Variants in TBC1D30 observed in about 807,000 individuals in gnomAD.
TBC1D30 encodes TBC1 domain family member 30.
In TBC1D30, 31 loss-of-function variants were observed where a neutral mutation model predicts 63.2. The observed-to-expected ratio is 0.49, with a 90% CI of 0.37 to 0.66. The LOEUF is 0.66. Among genes scored for constraint, TBC1D30 ranks in the 30% least tolerant of loss-of-function variants. The pLI, the probability that TBC1D30 is intolerant of heterozygous loss-of-function variation, is 0.00. For synonymous variants in TBC1D30, 307 were observed against 361.5 expected (o/e 0.85, Z 1.71); for missense variants, 810 against 953.6 (o/e 0.85, Z 1.98).
In TBC1D30 at chr12:64,793,491, A is replaced by ATT. The variant is rs1461365286; in HGVS notation, c.643+7446_643+7447insTT. On this transcript the variant is annotated intron_variant, in intron 2 of 12. Coordinates refer to the TBC1D30 transcript ENST00000542120. ...AAACCCCGTCTCTACCAAAAATACA[A>ATT]AAAAAAAAAAAAAAAAGAATTAGCT... 1.1e-4 allele frequency among the ~76,000 whole-genome samples: 4 copies of ATT among 36,672 alleles called. No homozygotes were observed. In the East Asian group the frequency reaches 0.037, roughly 340 times the overall value. The allele number at this position is 36,672 out of a possible 152,430, so 24.1% of individuals were successfully genotyped here. A position where few individuals can be genotyped will look rare whatever the true frequency, so the allele number is the denominator to read the frequency against.
chr12:64,845,452 C>T (rs926617730), intron 8 of TBC1D30, among the ~76,000 whole-genome samples: 25 of 152,152 alleles, frequency 1.6e-4, no homozygotes, highest in African/African-American at 4.8e-4. Context: ...GGGGGCTGAG[C>T]GCGGTGGCTC....
intron 2 of TBC1D30, chr12:64,787,218 T>C (rs563364704): frequency 1.9e-4 from 39 of 206,882 alleles, no homozygotes; most frequent in Non-Finnish European, 2.8e-4. Context: ...CAATTAAAAA[T>C]AAATTGTTAA....
At position 64,875,346 on chromosome 12, in the gene TBC1D30, C is replaced by G. The variant is rs753808299; in HGVS notation, c.1844C>G (p.Thr615Arg). ...GCAGAGGCATTCCCCTCTGGTTGTA[C>G]AGCGACAGCTGGGAGAGAAGGCAGC... The part of the protein sequence containing the change: ...GAAEAFPSGC[T>R]ATAGREGSSP... Residue 615 changes from threonine to arginine, a missense_variant, in exon 12 of 12, where the codon ACA becomes AGA. Physicochemically the swap from Thr to Arg is moderately conservative, Grantham distance 71. Around this residue, in one of 4 missense-constraint regions of TBC1D30, gnomAD observed 450 missense variants for 473.0 expected, o/e 0.95. Coordinates refer to ENST00000539867, the MANE Select transcript of TBC1D30 (RefSeq NM_015279.2). 5.9e-6 allele frequency: 9 copies of G among 1,536,246 alleles called. No individual in the cohort carries two copies. The highest frequency in any genetic ancestry group is 2.4e-5 in the East Asian group (1 of 40,908).
At chr12:64,825,278 C>T in intron 1 of TBC1D30, 1 of 456,088 alleles carries the variant, frequency 2.2e-6, no homozygotes, top group Non-Finnish European at 3.8e-6. Context: ...ACCCTCTCCC[C>T]GCGGACCCCC....
At position 64,875,657 on chromosome 12, in the gene TBC1D30, C is replaced by T. The variant is rs777613012; in HGVS notation, c.2155C>T (p.Arg719Trp). Residue 719 changes from arginine to tryptophan, a missense_variant, in exon 12 of 12, where the codon CGG becomes TGG. Coordinates refer to ENST00000539867, the MANE Select transcript of TBC1D30 (RefSeq NM_015279.2). ...FSPFPSVKPLRKSATARNLGL... is the reference protein window; with the variant it reads ...FSPFPSVKPLWKSATARNLGL... ...CCCTTTTCCCAGCGTCAAGCCCCTG[C>T]GGAAATCTGCTACTGCCAGGAACTT... 28 of 1,536,202 alleles carry T rather than the reference C, an allele frequency of 1.8e-5. No homozygotes were observed. Among genetic ancestry groups the T allele is most frequent in the Admixed American group, 9.8e-5 (5 of 50,968 alleles).
upstream of TBC1D30, chr12:64,824,521 G>A (rs571779402): frequency 9.0e-6 from 2 of 222,708 alleles, no homozygotes; most frequent in East Asian, 1.8e-4. Context: ...GGGCACGGGG[G>A]AGCTGGGGCG....
chr12:64,780,985 G>A lies in TBC1D30; in HGVS notation c.177G>A (p.Trp59Ter), dbSNP rs1871244615. 27 of 1,055,168 alleles carry A rather than the reference G, an allele frequency of 2.6e-5. No homozygotes were observed. Among genetic ancestry groups the A allele is most frequent in the Non-Finnish European group, 2.8e-5 (24 of 868,704 alleles). 65.4% of individuals were successfully genotyped at this position (1,055,168 alleles called of 1,614,324 possible). A position where few individuals can be genotyped will look rare whatever the true frequency, so the allele number is the denominator to read the frequency against. The change falls in exon 1 of 13, where the codon TGG (tryptophan) becomes TGA (stop). Residue 59 changes from tryptophan to a stop codon, truncating the protein, a stop_gained. Coordinates refer to the TBC1D30 transcript ENST00000542120. LOFTEE classifies it high-confidence loss of function. ...GGCCGCGGCGCTCCCGGGACACGTG[G>A]GACGGCGATGAGGACACGGAGCCCG...
At chr12:64,810,340 C>T (rs769193053) in intron 2 of TBC1D30, among the ~76,000 whole-genome samples, 13 of 152,176 alleles carry the variant, frequency 8.5e-5, no homozygotes, top group Non-Finnish European at 1.6e-4. Context: ...CCCCCATCAT[C>T]GTCTGGTGAC....
exon 2 of TBC1D30, chr12:64,785,971 A>G (rs1871547873): frequency 7.8e-7 from 1 of 1,289,702 alleles, no homozygotes; most frequent in African/African-American, 1.5e-5. Context: ...AAGCAGAAAG[A>G]TAGGCTTCTG....
chr12:64,810,841 G>A (rs1209066053), intron 2 of TBC1D30, among the ~76,000 whole-genome samples: 2 of 152,166 alleles, frequency 1.3e-5, no homozygotes, highest in African/African-American at 2.4e-5. Context: ...AATCTGTTCT[G>A]TTGCTCAACC....
In TBC1D30 at chr12:64,875,063, C is replaced by G; in HGVS notation, c.1561C>G (p.Leu521Val). Residue 521 changes from leucine (L) to valine (V), a missense_variant, in exon 12 of 12, where the codon CTT becomes GTT. Coordinates refer to ENST00000539867, the MANE Select transcript of TBC1D30 (RefSeq NM_015279.2). ...QVNSSPVINH[L>V]LLGKKMKMTN... ...AAACAGTTCTCCAGTTATAAACCAC[C>G]TTCTTTTAGGAAAGAAGATGAAAAT... The G allele has an allele frequency of 6.5e-7, 1 of 1,536,682 alleles. No individual in the cohort carries two copies. The highest frequency in any genetic ancestry group is 8.7e-7 in the Non-Finnish European group (1 of 1,147,036).
At chr12:64,873,719 A>C (rs115731699) in intron 11 of TBC1D30, among the ~76,000 whole-genome samples, 2,593 of 152,244 alleles carry the variant, frequency 0.017, 82 homozygotes, top group African/African-American at 0.059. Context: ...TTAGGATGGA[A>C]CTGGAGAGGT....
chr12:64,771,760 A>C (rs1468027794), intron 1 of TBC1D30, among the ~76,000 whole-genome samples: 1 of 152,224 alleles, frequency 6.6e-6, no homozygotes, highest in Non-Finnish European at 1.5e-5. Context: ...ACAACAACAT[A>C]GTAACAGGAA....
At chr12:64,865,855 C>T (rs1147086) in intron 9 of TBC1D30, among the ~76,000 whole-genome samples, 152,267 of 152,270 alleles carry the variant, frequency 1, 76,132 homozygotes, top group Middle Eastern at 1. Context: ...CACTATGGGG[C>T]GTGTACATCC....
At chr12:64,867,743 C>T (rs75066970) in intron 10 of TBC1D30, among the ~76,000 whole-genome samples, 1,852 of 152,156 alleles carry the variant, frequency 0.012, 12 homozygotes, top group Non-Finnish European at 0.021. Flanking sequence ...TTATGGTGAC[C>T]TCTACTTGAA....
chr12:64,850,743 G>A (rs1188793025), intron 8 of TBC1D30, among the ~76,000 whole-genome samples: 1 of 152,036 alleles, frequency 6.6e-6, no homozygotes, highest in Non-Finnish European at 1.5e-5. Context: ...TTCTTTTTTT[G>A]TTGTGTCTCT....
Position 64,824,773 on chromosome 12 carries a change from G to T in TBC1D30, c.-107G>T, listed in dbSNP as rs998529426. On this transcript the variant is annotated 5_prime_UTR_variant, in exon 1 of 12. Transcript: ENST00000539867. ...TGTGCGCTCCCTGCTCCCACGGGCC[G>T]GTCAGCCGCAGACACTCACCCAGCT... 66 of 1,406,946 alleles carry T rather than the reference G, an allele frequency of 4.7e-5. No individual in the cohort carries two copies. The highest frequency in any genetic ancestry group is 9.8e-5 in the Admixed American group (4 of 40,814). 87.2% of individuals were successfully genotyped at this position (1,406,946 alleles called of 1,614,324 possible).
chr12:64,858,726 A>T (rs1348958373), intron 8 of TBC1D30, among the ~76,000 whole-genome samples: 1 of 152,202 alleles, frequency 6.6e-6, no homozygotes, highest in Non-Finnish European at 1.5e-5. Context: ...TATGCTGTAT[A>T]TTAACTTCTC....
At chr12:64,816,035 CT>C (rs11338586) in intron 2 of TBC1D30, among the ~76,000 whole-genome samples, 78,589 of 143,228 alleles carry the variant, frequency 0.55, 21,470 homozygotes, top group East Asian at 0.89. Flanking sequence ...GTTCAGAATA[CT>C]TTTTTTTTTT....
Sources: allele counts gnomAD v4.1 joint callset (sites outside exome capture counted in the v4.1 genomes callset), GRCh38; gene constraint gnomAD v4.1.1; regional missense constraint gnomAD v4.1.1; transcripts MANE v1.5; gene names NCBI Gene and HGNC (gene_info 2026-07-23, HGNC 2026-07-21).